The following STAT5A variants were observed in gnomAD, a reference collection of about 807,000 sequenced individuals.
STAT5A encodes the protein signal transducer and activator of transcription 5A.
In STAT5A, 26 loss-of-function variants were observed where a neutral mutation model predicts 100.2. The observed-to-expected ratio is 0.26, with a 90% confidence interval of 0.19 to 0.36. STAT5A has a LOEUF of 0.36. STAT5A is among the 10% of genes least tolerant of loss of function. The pLI, the probability that STAT5A is intolerant of heterozygous loss-of-function variation, is 1.00. For missense variants in STAT5A, 634 were observed against 1,027.5 expected (o/e 0.62, Z 5.24); for synonymous variants, 330 against 424.3 (o/e 0.78, Z 2.73).
At chr17:42,310,476 G>T (rs904044470) in intron 18 of STAT5A, 31 bp from the exon 19 acceptor site, 1 of 1,612,346 alleles carries the variant, frequency 6.2e-7, no homozygotes, top group East Asian at 2.2e-5. Context: ...AGACATGCCA[G>T]CTCCCTCTGA....
intron 4 of STAT5A, among the ~76,000 whole-genome samples, chr17:42,293,626 G>A (rs79224696): frequency 0.022 from 3,405 of 152,324 alleles, 120 homozygotes; most frequent in African/African-American, 0.078. Context: ...CCTGGTTCTT[G>A]CCTGGAAGGA....
At chr17:42,306,586 G>A in intron 13 of STAT5A, 139 bp downstream of exon 13, 3 of 1,374,792 alleles carry the variant, frequency 2.2e-6, no homozygotes, top group Non-Finnish European at 3.0e-6. Context: ...GGAGAGATGG[G>A]GGCCCCTAGC....
At chr17:42,310,114 A>G (rs1245998073) in intron 18 of STAT5A, among the ~76,000 whole-genome samples, 1 of 152,256 alleles carries the variant, frequency 6.6e-6, no homozygotes, top group Admixed American at 6.5e-5. Context: ...CATGTGCTCA[A>G]TAGGCTCAGC....
rs369273065 is a variant in STAT5A at position 42,307,382 on chromosome 17, G to A, written c.1681-20G>A. ...TGACCTGGGGCACCAGCCCTGACTC[G>A]GGGGTTCCTGGGCCCTCAGGAGAAC... On this transcript the variant is annotated intron_variant, in intron 13 of 18. Coordinates refer to ENST00000590949, the MANE Select transcript of STAT5A (RefSeq NM_001288718.2). 4.9e-5 allele frequency: 79 copies of A among 1,611,284 alleles called. No homozygotes were observed. The highest frequency in any genetic ancestry group is 7.7e-5 in the South Asian group (7 of 90,678).
chr17:42,306,067 A>G, intron 12 of STAT5A, 174 bp from the exon 13 acceptor site: 1 of 1,169,572 alleles, frequency 8.6e-7, no homozygotes, highest in South Asian at 1.5e-5. Flanking sequence ...CAGGCTGGGA[A>G]AAAAAGTGCA....
Position 42,310,624 on chromosome 17 carries a change from G to A in STAT5A, c.2340G>A (p.Ser780=), listed in dbSNP as rs750045666. The change falls in exon 19 of 19, where the codon TCG becomes TCA. Residue 780 remains serine (S), a synonymous_variant. Coordinates refer to ENST00000590949, the MANE Select transcript of STAT5A (RefSeq NM_001288718.2). ...TGGACAGTCTTGACTCCCGCCTCTC[G>A]CCCCCTGCCGGTCTTTTCACCTCTG... is the stretch of plus-strand genomic sequence containing the variant. ...RPMDSLDSRL[S]PPAGLFTSAR... 54 of 1,613,972 alleles carry A rather than the reference G, an allele frequency of 3.3e-5. No homozygotes were observed. The highest frequency in any genetic ancestry group is 1.6e-4 in the Middle Eastern group (1 of 6,082).
intron 5 of STAT5A, among the ~76,000 whole-genome samples, chr17:42,298,829 T>C (rs1201288097): frequency 6.6e-6 from 1 of 152,120 alleles, no homozygotes; most frequent in East Asian, 1.9e-4. Context: ...CCTGACTTAT[T>C]CCCTGTCCCG....
intron 3 of STAT5A, 130 bp downstream of exon 3, chr17:42,290,152 C>A: frequency 8.0e-7 from 1 of 1,252,216 alleles, no homozygotes. Context: ...AACTTTTCTT[C>A]GATTTCCCCC....
intron 4 of STAT5A, among the ~76,000 whole-genome samples, chr17:42,292,709 C>T (rs188434256): frequency 6.6e-6 from 1 of 151,766 alleles, no homozygotes; most frequent in African/African-American, 2.4e-5. Flanking sequence ...TCACTGCAAC[C>T]TCTGCCTCCC....
Position 42,304,665 on chromosome 17 carries a change from G to GCCCT in STAT5A, c.1380+16_1380+19dup. 6.2e-7 allele frequency: 1 copy of GCCCT among 1,613,746 alleles called. No homozygotes were observed. Among genetic ancestry groups the GCCCT allele is most frequent in the Non-Finnish European group, 8.5e-7 (1 of 1,179,804 alleles). On this transcript the variant is annotated intron_variant, in intron 11 of 18. Coordinates refer to ENST00000590949, the MANE Select transcript of STAT5A (RefSeq NM_001288718.2). The surrounding 1 kb of genome is among the most constrained non-coding windows in gnomAD (Gnocchi z 4.8). ...GTTCCAGGTGAAGGTGAGACCCCCAGCCCTCCTGCCCCCACTGCTCCAGGT... is the reference window on the plus strand; with the variant it reads ...GTTCCAGGTGAAGGTGAGACCCCCAGCCCTCCCTCCTGCCCCCACTGCTCCAGGT...
chr17:42,309,199 G>A (rs2081057147), intron 17 of STAT5A, 101 bp downstream of exon 17: 1 of 1,603,760 alleles, frequency 6.2e-7, no homozygotes, highest in Non-Finnish European at 8.5e-7. Flanking sequence ...GCTCCCCCAG[G>A]GAACCTGTCT....
At chr17:42,293,773 A>G (rs2080893396) in intron 4 of STAT5A, among the ~76,000 whole-genome samples, 1 of 152,238 alleles carries the variant, frequency 6.6e-6, no homozygotes, top group African/African-American at 2.4e-5. Flanking sequence ...CAGTGGAGAA[A>G]GGCAGGAGAG....
intron 3 of STAT5A, among the ~76,000 whole-genome samples, chr17:42,290,371 G>T (rs1351449671): frequency 6.6e-6 from 1 of 152,116 alleles, no homozygotes; most frequent in African/African-American, 2.4e-5. Context: ...TCCCTCTTGG[G>T]GTCTTTTAAA....
chr17:42,304,748 C>T lies in STAT5A; in HGVS notation c.1380+96C>T, dbSNP rs1013229319. 5.1e-5 allele frequency: 79 copies of T among 1,557,618 alleles called. No individual in the cohort carries two copies. In the African/African-American group the frequency reaches 8.7e-4, roughly 17 times the overall value. Reference sequence around the variant, plus strand: ...TCCTGGCAGCAATGCCATCGGACAGCCTGCTTTGACTCTGTGGGTCCCTGT... The same window carrying T: ...TCCTGGCAGCAATGCCATCGGACAGTCTGCTTTGACTCTGTGGGTCCCTGT... On this transcript the variant is annotated intron_variant, in intron 11 of 18. Transcript: ENST00000590949. This position sits in a 1 kb window ranked among gnomAD's most constrained non-coding sequence, Gnocchi z 4.8.
Position 42,308,638 on chromosome 17 carries a change from T to G in STAT5A, c.2062+305T>G. The G allele has an allele frequency of 4.0e-6, 2 of 496,786 alleles. No homozygotes were observed. The allele number at this position is 496,786 out of a possible 1,614,324, so 30.8% of individuals were successfully genotyped here. A position where few individuals can be genotyped will look rare whatever the true frequency, so the allele number is the denominator to read the frequency against. Reference sequence around the variant, plus strand: ...GGCCGGGATCATTCGAGCCCACAGATAGTGCTCCGCTCCCCACCTCACCAG... The same window carrying G: ...GGCCGGGATCATTCGAGCCCACAGAGAGTGCTCCGCTCCCCACCTCACCAG... On this transcript the variant is annotated intron_variant, in intron 16 of 18. Transcript: ENST00000590949. The surrounding 1 kb of genome is among the most constrained non-coding windows in gnomAD (Gnocchi z 4.6).
At chr17:42,296,944 G>C (rs1045630052) in intron 5 of STAT5A, among the ~76,000 whole-genome samples, 120 of 151,838 alleles carry the variant, frequency 7.9e-4, no homozygotes, top group African/African-American at 2.6e-3. Context: ...CTAAATGTTT[G>C]TTTGTTTGTT....
In STAT5A at chr17:42,301,308, C is replaced by A; in HGVS notation, c.1023C>A (p.Val341=). The A allele has an allele frequency of 6.2e-7, 1 of 1,614,078 alleles. No homozygotes were observed. Among genetic ancestry groups the A allele is most frequent in the Non-Finnish European group, 8.5e-7 (1 of 1,180,010 alleles). Reference sequence around the variant, plus strand: ...TCATTGAGAAGCAGCCTCCTCAGGTCCTGAAGACCCAGACCAAGTTTGCAG... The same window carrying A: ...TCATTGAGAAGCAGCCTCCTCAGGTACTGAAGACCCAGACCAAGTTTGCAG... ...TFIIEKQPPQ[V]LKTQTKFAAT... Residue 341 remains valine (V), a synonymous_variant, in exon 9 of 19, where the codon GTC becomes GTA. Coordinates refer to ENST00000590949, the MANE Select transcript of STAT5A (RefSeq NM_001288718.2).
chr17:42,303,652 G>C (rs189424494), intron 9 of STAT5A, among the ~76,000 whole-genome samples: 41 of 152,170 alleles, frequency 2.7e-4, no homozygotes, highest in African/African-American at 8.9e-4. Context: ...GGAGGTTGTG[G>C]TGAGCTGAGA....
At chr17:42,294,353 A>G (rs951132084) in intron 4 of STAT5A, among the ~76,000 whole-genome samples, 5 of 152,184 alleles carry the variant, frequency 3.3e-5, no homozygotes, top group Admixed American at 6.5e-5. Context: ...ATCCATGTCC[A>G]TGGTGCTGGT....
Sources: allele counts gnomAD v4.1 joint callset (sites outside exome capture counted in the v4.1 genomes callset), GRCh38; gene constraint gnomAD v4.1.1; non-coding constraint Gnocchi (gnomAD v3.1); transcripts MANE v1.5; gene names NCBI Gene and HGNC (gene_info 2026-07-23, HGNC 2026-07-21).